Variants in PLEKHG4B observed in about 807,000 individuals in gnomAD.
The protein encoded by PLEKHG4B is pleckstrin homology domain-containing family G member 4B.
PLEKHG4B carries 111 observed loss-of-function variants against 121.3 expected under a neutral mutation model. The ratio of observed to expected loss-of-function variants is 0.92; its 90% confidence interval spans 0.78 to 1.07. The LOEUF is 1.07. Among genes scored for constraint, PLEKHG4B ranks in the 50% least tolerant of loss-of-function variants. The pLI, the probability that PLEKHG4B is intolerant of heterozygous loss-of-function variation, is 0.00. For synonymous variants in PLEKHG4B, 738 were observed against 725.0 expected (o/e 1.02, Z -0.29); for missense variants, 1,831 against 1,757.8 (o/e 1.04, Z -0.74).
intron 6 of PLEKHG4B, among the ~76,000 whole-genome samples, chr5:149,593 A>C (rs776222839): frequency 6.6e-6 from 1 of 152,144 alleles, no homozygotes; most frequent in Non-Finnish European, 1.5e-5. Context: ...CAGCCCACAG[A>C]ATGGGGGGAA....
chr5:172,101 G>A (rs1034969577), intron 16 of PLEKHG4B, among the ~76,000 whole-genome samples: 4 of 152,248 alleles, frequency 2.6e-5, no homozygotes, highest in Non-Finnish European at 4.4e-5. Context: ...CGTGGAGGGT[G>A]GGACCCCACA....
At position 183,992 on chromosome 5, in the gene PLEKHG4B, G is replaced by GATCGATAGATAGAT. The variant is rs1733524600; in HGVS notation, c.*1671_*1672insCGATAGATAGATAT. 2.9e-4 allele frequency: 1 copy of GATCGATAGATAGAT among 3,508 alleles called. No individual in the cohort carries two copies. The highest frequency in any genetic ancestry group is 1.0e-3 in the African/African-American group (1 of 966). 0.2% of individuals were successfully genotyped at this position (3,508 alleles called of 1,614,324 possible). A position where few individuals can be genotyped will look rare whatever the true frequency, so the allele number is the denominator to read the frequency against. On this transcript the variant is annotated 3_prime_UTR_variant, in exon 20 of 20. Coordinates refer to ENST00000637938, the MANE Select transcript of PLEKHG4B (RefSeq NM_052909.5). ...AGACAGATAGATAGATAGATAGATC[G>GATCGATAGATAGAT]ATAGATAGATAGATAGATAGATAGA...
chr5:151,438 A>C, intron 6 of PLEKHG4B, 75 bp from the exon 7 acceptor site: 1 of 992,130 alleles, frequency 1.0e-6, no homozygotes, highest in South Asian at 1.8e-5. Context: ...AGTACCACTC[A>C]AAATTGGGCA....
intron 1 of PLEKHG4B, among the ~76,000 whole-genome samples, chr5:112,851 C>T (rs374189228): frequency 2.0e-5 from 3 of 152,276 alleles, no homozygotes; most frequent in Non-Finnish European, 2.9e-5. Context: ...GAGCAGCTCC[C>T]GCAGGACTCA....
chr5:182,378 G>T lies in PLEKHG4B; in HGVS notation c.*55G>T. ...TGGCTAGAACAATACAGAGGGAGCAGCACGCCAGGCCTGATGACTCTGGGG... is the reference window on the plus strand; with the variant it reads ...TGGCTAGAACAATACAGAGGGAGCATCACGCCAGGCCTGATGACTCTGGGG... On this transcript the variant is annotated 3_prime_UTR_variant, in exon 20 of 20. Transcript: ENST00000637938. The T allele has an allele frequency of 6.7e-7, 1 of 1,503,186 alleles. No homozygotes were observed. The allele number at this position is 1,503,186 out of a possible 1,614,324, so 93.1% of individuals were successfully genotyped here.
At position 154,535 on chromosome 5, in the gene PLEKHG4B, G is replaced by A. The variant is rs149355492; in HGVS notation, c.1993-340G>A. On this transcript the variant is annotated intron_variant, in intron 7 of 19. Coordinates refer to ENST00000637938, the MANE Select transcript of PLEKHG4B (RefSeq NM_052909.5). ...AAACTCTCCTTATATTTTGTCCAGA[G>A]TTTGTGGGTTTTATCTGAGAAGGGC... is the stretch of plus-strand genomic sequence containing the variant. 2.1e-4 allele frequency among the ~76,000 whole-genome samples: 32 copies of A among 150,618 alleles called. No individual in the cohort carries two copies. In the East Asian group the frequency reaches 6.2e-3, roughly 29 times the overall value.
intron 6 of PLEKHG4B, among the ~76,000 whole-genome samples, chr5:148,534 CTT>C (rs1373257095): frequency 2.0e-5 from 3 of 151,972 alleles, no homozygotes; most frequent in Non-Finnish European, 2.9e-5. Flanking sequence ...AAGTGAAAGA[CTT>C]TTTCACTGAA....
rs1733615160 is a variant in PLEKHG4B, at chr5:186,142, C to T, written c.*3819C>T. 1 of 152,222 alleles carries T rather than the reference C, an allele frequency of 6.6e-6. No individual in the cohort carries two copies. The highest frequency in any genetic ancestry group is 6.5e-5 in the Admixed American group (1 of 15,286). 9.4% of individuals were successfully genotyped at this position (152,222 alleles called of 1,614,324 possible). ...TTTTGAGTTTCTCGTGCACTCCAAA[C>T]TGTCCTGGAGCCAGCCCTGGTGTGA... On this transcript the variant is annotated 3_prime_UTR_variant, in exon 20 of 20. Coordinates refer to ENST00000637938, the MANE Select transcript of PLEKHG4B (RefSeq NM_052909.5).
chr5:142,696 T>TA (rs1389187442), intron 3 of PLEKHG4B, among the ~76,000 whole-genome samples: 1 of 152,106 alleles, frequency 6.6e-6, no homozygotes, highest in African/African-American at 2.4e-5. Flanking sequence ...GAGTTACACA[T>TA]ACCACACATG....
chr5:127,340 T>TTTTTTATTA (rs146821461), intron 2 of PLEKHG4B, among the ~76,000 whole-genome samples: 71 of 135,558 alleles, frequency 5.2e-4, no homozygotes, highest in African/African-American at 1.6e-3. Flanking sequence ...ATTGTTGGTT[T>TTTTTTATTA]TTATTATTAT....
chr5:173,668 T>A (rs1736646727), intron 17 of PLEKHG4B, among the ~76,000 whole-genome samples: 1 of 151,036 alleles, frequency 6.6e-6, no homozygotes, highest in Non-Finnish European at 1.5e-5. Flanking sequence ...CTTTGCACGC[T>A]CACAAGCAGT....
chr5:143,985 C>G (rs1735319695), intron 5 of PLEKHG4B: 1 of 168,208 alleles, frequency 5.9e-6, no homozygotes, highest in African/African-American at 2.4e-5. Context: ...GCTCTGTCGC[C>G]CAGGCTAGAG....
intron 1 of PLEKHG4B, among the ~76,000 whole-genome samples, chr5:111,861 G>A (rs1190971804): frequency 2.0e-5 from 3 of 152,090 alleles, no homozygotes; most frequent in African/African-American, 4.8e-5. Flanking sequence ...CCCGATGTGG[G>A]TGATTCTGTC....
chr5:123,079 T>C (rs1734517891), intron 2 of PLEKHG4B, among the ~76,000 whole-genome samples: 1 of 152,206 alleles, frequency 6.6e-6, no homozygotes, highest in Non-Finnish European at 1.5e-5. Flanking sequence ...TATAGAACAT[T>C]GCACACAACA....
At chr5:153,911 G>A (rs1043559956) in intron 7 of PLEKHG4B, among the ~76,000 whole-genome samples, 1 of 152,150 alleles carries the variant, frequency 6.6e-6, no homozygotes, top group Non-Finnish European at 1.5e-5. Context: ...GGCTGGTCTT[G>A]AACTCTTGGG....
In PLEKHG4B at chr5:154,957, C is replaced by G. The variant is rs1735723572; in HGVS notation, c.2075C>G (p.Pro692Arg). ...QLTADLDGSF[P>R]YSHGDWICFR... ...ACCGCAGACCTCGACGGCTCCTTTC[C>G]CTACAGCCATGGTGACTGGATCTGC... The change falls in exon 8 of 20, where the codon CCC becomes CGC. Residue 692 changes from proline (P) to arginine (R), a missense_variant. Physicochemically the swap from Pro to Arg is moderately radical, Grantham distance 103. Transcript: ENST00000637938. The G allele has an allele frequency of 6.2e-7, 1 of 1,613,560 alleles. No homozygotes were observed. Among genetic ancestry groups the G allele is most frequent in the Non-Finnish European group, 8.5e-7 (1 of 1,180,036 alleles).
intron 2 of PLEKHG4B, among the ~76,000 whole-genome samples, chr5:128,073 G>T (rs1734671802): frequency 6.6e-6 from 1 of 152,116 alleles, no homozygotes; most frequent in African/African-American, 2.4e-5. Context: ...GAATCTTATG[G>T]TGGCTGCCCT....
At position 139,174 on chromosome 5, in the gene PLEKHG4B, C is replaced by T. The variant is rs1364635907; in HGVS notation, c.244-309C>T. 3.9e-5 allele frequency among the ~76,000 whole-genome samples: 6 copies of T among 152,318 alleles called. No individual in the cohort carries two copies. Among genetic ancestry groups the T allele is most frequent in the Non-Finnish European group, 8.8e-5 (6 of 68,024 alleles). ...CTGAGGGACAACTCATCCTTCGGAGCGCCTGGTGGGCTGTGGCTGTGGCCC... is the reference window on the plus strand; with the variant it reads ...CTGAGGGACAACTCATCCTTCGGAGTGCCTGGTGGGCTGTGGCTGTGGCCC... On this transcript the variant is annotated intron_variant, in intron 2 of 19. Coordinates refer to ENST00000637938, the MANE Select transcript of PLEKHG4B (RefSeq NM_052909.5). The surrounding 1 kb of genome is among the most constrained non-coding windows in gnomAD (Gnocchi z 5.0).
At chr5:116,209 A>C (rs1264814000) in intron 2 of PLEKHG4B, among the ~76,000 whole-genome samples, 1 of 152,184 alleles carries the variant, frequency 6.6e-6, no homozygotes, top group Admixed American at 6.5e-5. Flanking sequence ...GGAAAGGGAG[A>C]GAGATGGAGG....
Sources: allele counts gnomAD v4.1 joint callset (sites outside exome capture counted in the v4.1 genomes callset), GRCh38; gene constraint gnomAD v4.1.1; non-coding constraint Gnocchi (gnomAD v3.1); transcripts MANE v1.5; gene names NCBI Gene and HGNC (gene_info 2026-07-23, HGNC 2026-07-21).